Variants in MUC12 observed in about 807,000 individuals in gnomAD.
The protein encoded by MUC12 is mucin 12, cell surface associated, also known as mucin-12.
In MUC12, 172 loss-of-function variants were observed where a neutral mutation model predicts 230.8. The ratio of observed to expected loss-of-function variants is 0.75; its 90% CI spans 0.66 to 0.85. The LOEUF (loss-of-function observed/expected upper bound fraction) is 0.85, where lower values mean the gene tolerates loss of function less well. Ranked by LOEUF, MUC12 falls within the 40% of genes least tolerant of loss-of-function variation. The pLI is 0.00. For synonymous variants in MUC12, 1,259 were observed against 2,401.9 expected, an observed-to-expected ratio of 0.52 and a Z score of 13.91; for missense variants, 3,506 against 5,920.6, an observed-to-expected ratio of 0.59 and a Z score of 13.38.
In MUC12 at chr7:100,990,854, T is replaced by C; in HGVS notation, c.291T>C (p.Pro97=). ...GTGCAACTGGAACAACACTCTTCCC[T>C]TCCCACTCTGCAACCTCAGTTTTTG... The part of the protein sequence containing the change: ...GPGATGTTLF[P]SHSATSVFVG... The change falls in exon 2 of 12, where the codon CCT becomes CCC. Residue 97 remains proline, a synonymous_variant. Coordinates refer to ENST00000536621, the MANE Select transcript of MUC12 (RefSeq NM_001164462.2). 6.5e-7 allele frequency: 1 copy of C among 1,537,786 alleles called. No individual in the cohort carries two copies.
At chr7:100,974,423 A>AG (rs1181811485) in intron 1 of MUC12, among the ~76,000 whole-genome samples, 6,731 of 128,922 alleles carry the variant, frequency 0.052, no homozygotes, top group Admixed American at 0.067. Context: ...CTATTGACTT[A>AG]TCAATTGACT....
At chr7:101,010,487 C>T (rs1793825485) in intron 5 of MUC12, among the ~76,000 whole-genome samples, 1 of 151,928 alleles carries the variant, frequency 6.6e-6, no homozygotes, top group Admixed American at 6.6e-5. Flanking sequence ...CAGGCCTGCG[C>T]CATCGTGCTT....
chr7:100,992,568 C>T lies in MUC12; in HGVS notation c.2005C>T (p.Pro669Ser), dbSNP rs184421488. Reference protein sequence around the residue: ...TTSHGSPSSIPTTHISARSTT... With the variant: ...TTSHGSPSSISTTHISARSTT... ...CTCCCACGGCAGCCCGAGCTCAATT[C>T]CAACAACCCACATTTCTGCCCGCTC... Residue 669 changes from proline to serine, a missense_variant, in exon 2 of 12, where the codon CCA becomes TCA. By Grantham distance (74) the Pro-to-Ser change is moderately conservative. Transcript: ENST00000536621. The T allele has an allele frequency of 1.3e-6, 2 of 1,537,966 alleles. No homozygotes were observed. Among genetic ancestry groups the T allele is most frequent in the Admixed American group, 2.0e-5 (1 of 51,010 alleles).
chr7:100,995,817 G>A lies in MUC12; in HGVS notation c.5254G>A (p.Ala1752Thr). ...TTVHSSPVATATTPSPARSTT... is the reference protein window; with the variant it reads ...TTVHSSPVATTTTPSPARSTT... ...AGTCCACAGCAGCCCAGTTGCAACT[G>A]CAACAACACCCTCGCCTGCCCGCTC... Residue 1752 changes from alanine to threonine, a missense_variant, in exon 2 of 12, where the codon GCA becomes ACA. Ala to Thr is a moderately conservative substitution (Grantham distance 58). Transcript: ENST00000536621. The A allele has an allele frequency of 6.8e-7, 1 of 1,475,496 alleles. No homozygotes were observed. Among genetic ancestry groups the A allele is most frequent in the South Asian group, 1.2e-5 (1 of 82,194 alleles). 91.4% of individuals were successfully genotyped at this position (1,475,496 alleles called of 1,614,324 possible).
Position 101,013,100 on chromosome 7 carries a change from A to C in MUC12, c.15596A>C (p.Asn5199Thr). Reference sequence around the variant, plus strand: ...GGAACGAAGTCGCAAATGAACTGTAACCTGGGCACATGTCAGCTGCAACGC... The same window carrying C: ...GGAACGAAGTCGCAAATGAACTGTACCCTGGGCACATGTCAGCTGCAACGC... Reference protein sequence around the residue: ...TKGTKSQMNCNLGTCQLQRSG... With the variant: ...TKGTKSQMNCTLGTCQLQRSG... Residue 5199 changes from asparagine to threonine, a missense_variant, in exon 8 of 12, where the codon AAC becomes ACC. Transcript: ENST00000536621. 1 of 1,537,254 alleles carries C rather than the reference A, an allele frequency of 6.5e-7. No individual in the cohort carries two copies. Among genetic ancestry groups the C allele is most frequent in the Non-Finnish European group, 8.7e-7 (1 of 1,146,918 alleles).
In MUC12 at chr7:100,992,312, C is replaced by A. The variant is rs1384907306; in HGVS notation, c.1749C>A (p.Arg583=). ...CAGAATATACTACCTTCCACAGCCG[C>A]CCAGGCTCCACTGAAACAACACTCT... The part of the protein sequence containing the change: ...LGPEYTTFHS[R]PGSTETTLLP... The change falls in exon 2 of 12, where the codon CGC becomes CGA. Residue 583 remains arginine (R), a synonymous_variant. Coordinates refer to ENST00000536621, the MANE Select transcript of MUC12 (RefSeq NM_001164462.2). 3.9e-6 allele frequency: 6 copies of A among 1,536,686 alleles called. No individual in the cohort carries two copies. Among genetic ancestry groups the A allele is most frequent in the Non-Finnish European group, 5.2e-6 (6 of 1,146,128 alleles).
chr7:100,972,885 G>A, intron 1 of MUC12: 1 of 702,958 alleles, frequency 1.4e-6, no homozygotes, highest in Non-Finnish European at 2.6e-6. Flanking sequence ...GTGAGGTTTT[G>A]GAGAAGCAGA....
chr7:100,983,302 C>A (rs1249101653), intron 1 of MUC12, among the ~76,000 whole-genome samples: 1 of 151,764 alleles, frequency 6.6e-6, no homozygotes, highest in Non-Finnish European at 1.5e-5. Flanking sequence ...CACCTGTAAT[C>A]CCAGCAACTT....
intron 1 of MUC12, among the ~76,000 whole-genome samples, chr7:100,976,840 C>T (rs562633973): frequency 4.6e-5 from 7 of 151,922 alleles, no homozygotes; most frequent in South Asian, 4.2e-4. Context: ...CACGTGACAT[C>T]GGGAGTTCGA....
In MUC12 at chr7:101,009,179, G is replaced by C. The variant is rs1319604863; in HGVS notation, c.15251+20G>C. ...ATTGCTGTGAGTATATTGGGGGGCA[G>C]GTTTATAGATGTGGGGAAATCCTCC... On this transcript the variant is annotated intron_variant, in intron 5 of 11. Transcript: ENST00000536621. 3.3e-6 allele frequency: 5 copies of C among 1,535,170 alleles called. No individual in the cohort carries two copies. The highest frequency in any genetic ancestry group is 3.5e-6 in the Non-Finnish European group (4 of 1,144,724).
intron 5 of MUC12, among the ~76,000 whole-genome samples, chr7:101,010,476 A>G (rs960354472): frequency 6.6e-6 from 1 of 152,074 alleles, no homozygotes; most frequent in Non-Finnish European, 1.5e-5. Flanking sequence ...AGCTGGGACT[A>G]CAGGCCTGCG....
chr7:100,983,734 C>T (rs893023868), intron 1 of MUC12, among the ~76,000 whole-genome samples: 1 of 152,132 alleles, frequency 6.6e-6, no homozygotes, highest in African/African-American at 2.4e-5. Flanking sequence ...CCAGCTCTCC[C>T]CACCCCTGTT....
At position 100,993,129 on chromosome 7, in the gene MUC12, A is replaced by G. The variant is rs1793380950; in HGVS notation, c.2566A>G (p.Ser856Gly). 1 of 1,494,308 alleles carries G rather than the reference A, an allele frequency of 6.7e-7. No individual in the cohort carries two copies. The highest frequency in any genetic ancestry group is 1.8e-5 in the African/African-American group (1 of 55,910). The allele number at this position is 1,494,308 out of a possible 1,614,324, so 92.6% of individuals were successfully genotyped here. ...CAGTGAAGAATCCACCACCTCCCGCAGCCGACCAGGCTCAACGCACACAAC... is the reference window on the plus strand; with the variant it reads ...CAGTGAAGAATCCACCACCTCCCGCGGCCGACCAGGCTCAACGCACACAAC... ...GVSEESTTSR[S>G]RPGSTHTTAF... The change falls in exon 2 of 12, where the codon AGC becomes GGC. Residue 856 changes from serine to glycine, a missense_variant. By Grantham distance (56) the Ser-to-Gly change is moderately conservative (BLOSUM62 0). Coordinates refer to ENST00000536621, the MANE Select transcript of MUC12 (RefSeq NM_001164462.2).
chr7:100,991,825 C>G lies in MUC12; in HGVS notation c.1262C>G (p.Thr421Arg), dbSNP rs1388418547. 2.0e-6 allele frequency: 3 copies of G among 1,537,552 alleles called. No individual in the cohort carries two copies. The highest frequency in any genetic ancestry group is 4.9e-5 in the East Asian group (2 of 40,938). Residue 421 changes from threonine to arginine, a missense_variant, in exon 2 of 12, where the codon ACA becomes AGA. Physicochemically the swap from Thr to Arg is moderately conservative, Grantham distance 71. Coordinates refer to ENST00000536621, the MANE Select transcript of MUC12 (RefSeq NM_001164462.2). ...CACAGCAGCCTGGGCTCAACTGAAA[C>G]AACACACTTCCGTGATAGCTCCACA... is the stretch of plus-strand genomic sequence containing the variant. ...SYHSSLGSTE[T>R]THFRDSSTIS...
intron 1 of MUC12, among the ~76,000 whole-genome samples, chr7:100,979,124 G>C (rs1425978972): frequency 6.6e-6 from 1 of 152,098 alleles, no homozygotes; most frequent in Admixed American, 6.6e-5. Flanking sequence ...TCTTTTTAAA[G>C]AAAAATCCAA....
At position 101,008,616 on chromosome 7, in the gene MUC12, C is replaced by G; in HGVS notation, c.15059-18C>G. 1 of 1,536,132 alleles carries G rather than the reference C, an allele frequency of 6.5e-7. No homozygotes were observed. The highest frequency in any genetic ancestry group is 8.7e-7 in the Non-Finnish European group (1 of 1,146,234). On this transcript the variant is annotated intron_variant, in intron 3 of 11. Transcript: ENST00000536621. Reference sequence around the variant, plus strand: ...TGGGAGGTCGCTGTCTCACGCATACCATGGCCTTTTCCCACAGAAACCCCG... The same window carrying G: ...TGGGAGGTCGCTGTCTCACGCATACGATGGCCTTTTCCCACAGAAACCCCG...
chr7:100,990,214 C>T (rs1267132558), intron 1 of MUC12, among the ~76,000 whole-genome samples: 5 of 152,182 alleles, frequency 3.3e-5, no homozygotes, highest in African/African-American at 7.2e-5. Context: ...TGCCTCTTGT[C>T]GGATCAGGAG....
At position 100,992,141 on chromosome 7, in the gene MUC12, C is replaced by G; in HGVS notation, c.1578C>G (p.Ser526Arg). 6.5e-7 allele frequency: 1 copy of G among 1,537,962 alleles called. No homozygotes were observed. Among genetic ancestry groups the G allele is most frequent in the Non-Finnish European group, 8.7e-7 (1 of 1,147,066 alleles). The part of the protein sequence containing the change: ...GVSEESTTSH[S>R]RPGSTHTTAF... ...GTGAAGAATCCACCACCTCCCACAG[C>G]CGACCAGGCTCAACACACACAACAG... is the stretch of plus-strand genomic sequence containing the variant. The change falls in exon 2 of 12, where the codon AGC becomes AGG. Residue 526 changes from serine to arginine, a missense_variant. Transcript: ENST00000536621.
At position 100,991,774 on chromosome 7, in the gene MUC12, C is replaced by G. The variant is rs62483731; in HGVS notation, c.1211C>G (p.Thr404Arg). The G allele has an allele frequency of 6.5e-7, 1 of 1,537,888 alleles. No homozygotes were observed. Among genetic ancestry groups the G allele is most frequent in the African/African-American group, 1.4e-5 (1 of 73,070 alleles). Residue 404 changes from threonine to arginine, a missense_variant, in exon 2 of 12, where the codon ACA (threonine) becomes AGA (arginine). Transcript: ENST00000536621. ...ACAAAATCTTCAACTCCTAGCACCA[C>G]AGCTGCCCTAGCACATACAAGCTAC... ...THTKSSTPST[T>R]AALAHTSYHS...
Sources: allele counts gnomAD v4.1 joint callset (sites outside exome capture counted in the v4.1 genomes callset), GRCh38; gene constraint gnomAD v4.1.1; transcripts MANE v1.5; gene names NCBI Gene and HGNC (gene_info 2026-07-23, HGNC 2026-07-21).